PRKCB: variants seen among roughly 807,000 people sequenced by gnomAD.
PRKCB encodes the protein protein kinase C beta type.
Under a neutral mutation model 81.5 loss-of-function variants are expected in PRKCB, and 13 were observed. That is an observed-to-expected ratio of 0.16 (90% CI 0.10 to 0.25). The LOEUF is 0.25. Among genes scored for constraint, PRKCB ranks in the 10% least tolerant of loss-of-function variants. PRKCB has a pLI of 1.00. For missense variants in PRKCB, 509 were observed against 875.7 expected, an observed-to-expected ratio of 0.58 and a Z score of 5.29; for synonymous variants, 335 against 321.4, an observed-to-expected ratio of 1.04 and a Z score of -0.45.
Position 24,080,432 on chromosome 16 carries a change from T to C in PRKCB, c.530-12359T>C, listed in dbSNP as rs115623037. Among the ~76,000 whole-genome samples, 1,146 of 152,258 alleles carry C rather than the reference T, an allele frequency of 7.5e-3. 11 individuals are homozygous for C. The highest frequency in any genetic ancestry group is 0.025 in the African/African-American group (1,050 of 41,544). On this transcript the variant is annotated intron_variant, in intron 5 of 16. Coordinates refer to ENST00000643927, the MANE Select transcript of PRKCB (RefSeq NM_002738.7). ...AAAGGGAGGAGACCAGAATGATTTCTAGATTCTTACTGGGGCAGTTGGGTG... is the reference window on the plus strand; with the variant it reads ...AAAGGGAGGAGACCAGAATGATTTCCAGATTCTTACTGGGGCAGTTGGGTG...
rs777160320 is a variant in PRKCB at position 24,217,165 on chromosome 16, AGAAG to A, written c.*2365_*2368del. 7.1e-5 allele frequency: 70 copies of A among 981,226 alleles called. No individual in the cohort carries two copies. The highest frequency in any genetic ancestry group is 3.3e-4 in the African/African-American group (19 of 57,008). The allele number at this position is 981,226 out of a possible 1,614,324, so 60.8% of individuals were successfully genotyped here. A position where few individuals can be genotyped will look rare whatever the true frequency, so the allele number is the denominator to read the frequency against. ...GGAAGGAAGGAAAGAAGGAAGGAAA[AGAAG>A]GAAGGAAGGAAGGAATATAGTGTTA... On this transcript the variant is annotated 3_prime_UTR_variant, in exon 17 of 17. Transcript: ENST00000643927.
chr16:24,200,051 C>G (rs575000788), intron 16 of PRKCB, among the ~76,000 whole-genome samples: 2 of 152,326 alleles, frequency 1.3e-5, no homozygotes, highest in Admixed American at 6.5e-5. Context: ...AGCATCTTCA[C>G]AGCTTTTATA....
chr16:23,887,641 A>G (rs1340503833), intron 2 of PRKCB, among the ~76,000 whole-genome samples: 1 of 152,194 alleles, frequency 6.6e-6, no homozygotes, highest in African/African-American at 2.4e-5. Flanking sequence ...TGTTATGGAC[A>G]GTGATGCAAT....
At chr16:24,089,805 A>T (rs974169209) in intron 5 of PRKCB, among the ~76,000 whole-genome samples, 2 of 151,860 alleles carry the variant, frequency 1.3e-5, no homozygotes, top group African/African-American at 4.9e-5. Flanking sequence ...ACACACACAC[A>T]ACAAAAACGT....
At chr16:24,085,167 A>G (rs925120689) in intron 5 of PRKCB, among the ~76,000 whole-genome samples, 5 of 147,236 alleles carry the variant, frequency 3.4e-5, no homozygotes, top group East Asian at 2.0e-4. Flanking sequence ...AAAAAAAGCC[A>G]GGTAAAGGGA....
At chr16:24,120,502 C>T (rs73548439) in intron 8 of PRKCB, among the ~76,000 whole-genome samples, 1 of 152,098 alleles carries the variant, frequency 6.6e-6, no homozygotes, top group Admixed American at 6.5e-5. Flanking sequence ...GAAATCACAC[C>T]GGTCATCTCT....
chr16:23,932,052 C>T (rs774384523), intron 2 of PRKCB, among the ~76,000 whole-genome samples: 1 of 152,088 alleles, frequency 6.6e-6, no homozygotes, highest in Middle Eastern at 3.4e-3. Flanking sequence ...AAGATCTAAC[C>T]AAATTTACAG....
chr16:23,839,093 A>G (rs1020340197), intron 2 of PRKCB, among the ~76,000 whole-genome samples: 1 of 152,106 alleles, frequency 6.6e-6, no homozygotes. Flanking sequence ...CGGATCTTCT[A>G]TGCCACCTGC....
At chr16:24,038,752 C>G (rs899414001) in intron 5 of PRKCB, among the ~76,000 whole-genome samples, 1 of 152,216 alleles carries the variant, frequency 6.6e-6, no homozygotes, top group Admixed American at 6.5e-5. Flanking sequence ...TGCTTCCTTC[C>G]TCAGGCAGGG....
intron 2 of PRKCB, among the ~76,000 whole-genome samples, chr16:23,977,371 CT>C (rs1389371456): frequency 6.6e-6 from 1 of 152,124 alleles, no homozygotes. Context: ...TTAAAACGTA[CT>C]GATGCCTGCC....
At chr16:23,839,314 C>G (rs1962226490) in intron 2 of PRKCB, among the ~76,000 whole-genome samples, 1 of 130,878 alleles carries the variant, frequency 7.6e-6, no homozygotes, top group Non-Finnish European at 1.6e-5. Flanking sequence ...CACTCTTTTG[C>G]CCCGGCTGGA....
intron 10 of PRKCB, among the ~76,000 whole-genome samples, chr16:24,170,861 T>C (rs2141965117): frequency 6.6e-6 from 1 of 152,350 alleles, no homozygotes; most frequent in Middle Eastern, 3.4e-3. Flanking sequence ...GAAACAGGGC[T>C]TACACAGCCA....
At chr16:24,095,561 G>A (rs1966428964) in intron 7 of PRKCB, among the ~76,000 whole-genome samples, 1 of 152,160 alleles carries the variant, frequency 6.6e-6, no homozygotes, top group South Asian at 2.1e-4. Flanking sequence ...GAAGTTGGAA[G>A]TGTTGTGAGC....
At chr16:24,112,198 C>G (rs1196006698) in intron 7 of PRKCB, among the ~76,000 whole-genome samples, 1 of 152,108 alleles carries the variant, frequency 6.6e-6, no homozygotes, top group African/African-American at 2.4e-5. Flanking sequence ...AAAGTGGCAC[C>G]CTATGCACCC....
intron 2 of PRKCB, among the ~76,000 whole-genome samples, chr16:23,941,753 G>C (rs1964143349): frequency 6.6e-6 from 1 of 152,150 alleles, no homozygotes; most frequent in Non-Finnish European, 1.5e-5. Flanking sequence ...TTTTCAGCAT[G>C]ATGAAGACTA....
Position 24,035,473 on chromosome 16 carries a change from G to A in PRKCB, c.455G>A (p.Gly152Asp). ...RCVMNVPSLC[G>D]TDHTERRGRI... is the part of the protein sequence containing the mutation. The stretch of plus-strand genomic sequence containing the variant: ...GTGATGAATGTTCCCAGCCTGTGTG[G>A]CACGGACCACACGGAGCGCCGCGGC... Residue 152 changes from glycine (G) to aspartate (D), a missense_variant, in exon 5 of 17, where the codon GGC becomes GAC. This residue lies in a region of PRKCB where 184 missense variants were observed against 362.9 expected (regional missense o/e 0.51). Coordinates refer to ENST00000643927, the MANE Select transcript of PRKCB (RefSeq NM_002738.7). The A allele has an allele frequency of 6.2e-7, 1 of 1,614,150 alleles. No homozygotes were observed. Among genetic ancestry groups the A allele is most frequent in the Non-Finnish European group, 8.5e-7 (1 of 1,179,998 alleles).
intron 2 of PRKCB, among the ~76,000 whole-genome samples, chr16:23,947,063 C>T (rs565226824): frequency 6.6e-6 from 1 of 152,166 alleles, no homozygotes; most frequent in African/African-American, 2.4e-5. Flanking sequence ...ACCATGTTGG[C>T]CAGGCTGGTC....
At chr16:24,207,918 C>A (rs1008211491) in intron 16 of PRKCB, among the ~76,000 whole-genome samples, 3 of 152,148 alleles carry the variant, frequency 2.0e-5, no homozygotes. Flanking sequence ...GTTCTAGGAA[C>A]TGGAAATACT....
chr16:24,076,508 C>T (rs1966179195), intron 5 of PRKCB, among the ~76,000 whole-genome samples: 2 of 152,172 alleles, frequency 1.3e-5, no homozygotes, highest in Admixed American at 6.5e-5. Context: ...AGTCAGAATT[C>T]ACTGGCTTTG....
Sources: allele counts gnomAD v4.1 joint callset (sites outside exome capture counted in the v4.1 genomes callset), GRCh38; gene constraint gnomAD v4.1.1; regional missense constraint gnomAD v4.1.1; transcripts MANE v1.5; gene names NCBI Gene and HGNC (gene_info 2026-07-23, HGNC 2026-07-21).